Variants in AGO3 observed in about 807,000 individuals in gnomAD.
AGO3 encodes protein argonaute-3.
Under a neutral mutation model 105.5 loss-of-function variants are expected in AGO3, and 16 were observed. That is an observed-to-expected ratio of 0.15 (90% CI 0.10 to 0.23). The LOEUF is 0.23. Among genes scored for constraint, AGO3 ranks in the 10% least tolerant of loss-of-function variants. AGO3 has a pLI of 1.00. For missense variants in AGO3, 534 were observed against 1,088.0 expected, an observed-to-expected ratio of 0.49 and a Z score of 7.16; for synonymous variants, 340 against 367.3, an observed-to-expected ratio of 0.93 and a Z score of 0.85.
At chr1:35,989,116 T>C (rs1177247740) in intron 5 of AGO3, among the ~76,000 whole-genome samples, 1 of 152,112 alleles carries the variant, frequency 6.6e-6, no homozygotes, top group Non-Finnish European at 1.5e-5. Flanking sequence ...AATGGAAGCA[T>C]AAAAGGGAGG....
At position 36,055,577 on chromosome 1, in the gene AGO3, C is replaced by T. The variant is rs78199667; in HGVS notation, c.2475-60C>T. 1.5e-3 allele frequency: 2,135 copies of T among 1,468,936 alleles called. 13 individuals are homozygous for T. The African/African-American group carries it at 0.024, about 17-fold the overall frequency. The allele number at this position is 1,468,936 out of a possible 1,614,324, so 91.0% of individuals were successfully genotyped here. A position where few individuals can be genotyped will look rare whatever the true frequency, so the allele number is the denominator to read the frequency against. On this transcript the variant is annotated intron_variant, in intron 18 of 18. Transcript: ENST00000373191. The surrounding 1 kb of genome is among the most constrained non-coding windows in gnomAD (Gnocchi z 4.4). Reference sequence around the variant, plus strand: ...ATTTTCTACAACAAATAGTATTTTTCGGAATTATTACATCAGAATAGAAAG... The same window carrying T: ...ATTTTCTACAACAAATAGTATTTTTTGGAATTATTACATCAGAATAGAAAG...
chr1:35,931,415 C>G lies in AGO3; in HGVS notation c.-12C>G, dbSNP rs773956972. ...TCCGTTCTCCCTCGAAGCACTCCCC[C>G]CAGCTCCATGAATGGAAATCGGCTC... On this transcript the variant is annotated 5_prime_UTR_variant, in exon 1 of 19. Transcript: ENST00000373191. The G allele has an allele frequency of 2.7e-6, 4 of 1,506,860 alleles. No homozygotes were observed. Among genetic ancestry groups the G allele is most frequent in the Middle Eastern group, 1.7e-4 (1 of 5,762 alleles). 93.3% of individuals were successfully genotyped at this position (1,506,860 alleles called of 1,614,324 possible).
chr1:35,962,216 C>G (rs1646688725), intron 2 of AGO3, among the ~76,000 whole-genome samples: 1 of 152,010 alleles, frequency 6.6e-6, no homozygotes, highest in African/African-American at 2.4e-5. Context: ...AGTAGGGAAA[C>G]TTACCCTGCC....
At chr1:36,014,881 A>G (rs572085264) in intron 11 of AGO3, among the ~76,000 whole-genome samples, 13 of 152,274 alleles carry the variant, frequency 8.5e-5, no homozygotes, top group Admixed American at 2.0e-4. Context: ...TGTGAATGGA[A>G]AAAACACAAG....
In AGO3 at chr1:35,945,839, A is replaced by G. The variant is rs1003807450; in HGVS notation, c.167A>G (p.Asp56Gly). The change falls in exon 2 of 19, where the codon GAC becomes GGC. Residue 56 changes from aspartate (D) to glycine (G), a missense_variant. Physicochemically the swap from Asp to Gly is moderately conservative, Grantham distance 94. This residue lies in a region of AGO3 where 161 missense variants were observed against 234.0 expected (regional missense o/e 0.69). Coordinates refer to ENST00000373191, the MANE Select transcript of AGO3 (RefSeq NM_024852.4). ...CTCTATGAGGTAGATATTAAACCAG[A>G]CAAGTGTCCTAGGAGAGTGAACAGG... Reference protein sequence around the residue: ...VYLYEVDIKPDKCPRRVNREV... With the variant: ...VYLYEVDIKPGKCPRRVNREV... 1 of 1,613,716 alleles carries G rather than the reference A, an allele frequency of 6.2e-7. No homozygotes were observed. Among genetic ancestry groups the G allele is most frequent in the Non-Finnish European group, 8.5e-7 (1 of 1,179,940 alleles).
chr1:36,013,780 A>G (rs747155686), intron 10 of AGO3, 28 bp downstream of exon 10: 14 of 1,610,538 alleles, frequency 8.7e-6, no homozygotes, highest in Non-Finnish European at 1.2e-5. Context: ...TGTTTTAATC[A>G]TACACATATT....
chr1:36,071,264 A>C lies in AGO3; in HGVS notation c.*15519A>C, dbSNP rs1033365304. ...TGGAGGAAGAAATAGCATTCTTTTAAAAGGGGCTTTTCTGAAGAGTAAAAT... is the reference window on the plus strand; with the variant it reads ...TGGAGGAAGAAATAGCATTCTTTTACAAGGGGCTTTTCTGAAGAGTAAAAT... On this transcript the variant is annotated 3_prime_UTR_variant, in exon 19 of 19. Coordinates refer to ENST00000373191, the MANE Select transcript of AGO3 (RefSeq NM_024852.4). 5 of 152,216 alleles carry C rather than the reference A, an allele frequency of 3.3e-5. No homozygotes were observed. The highest frequency in any genetic ancestry group is 1.2e-4 in the African/African-American group (5 of 41,450). 9.4% of individuals were successfully genotyped at this position (152,216 alleles called of 1,614,324 possible). A position where few individuals can be genotyped will look rare whatever the true frequency, so the allele number is the denominator to read the frequency against.
chr1:36,068,561 CAG>C lies in AGO3; in HGVS notation c.*12820_*12821del, dbSNP rs763509018. 17 of 152,268 alleles carry C rather than the reference CAG, an allele frequency of 1.1e-4. No homozygotes were observed. In the East Asian group the frequency reaches 1.5e-3, roughly 14 times the overall value. 9.4% of individuals were successfully genotyped at this position (152,268 alleles called of 1,614,324 possible). A position where few individuals can be genotyped will look rare whatever the true frequency, so the allele number is the denominator to read the frequency against. ...AATATTCTAACCTTCTGCCAACCAA[CAG>C]AGATCCTCATATTCTTAAAGAAAAT... On this transcript the variant is annotated 3_prime_UTR_variant, in exon 19 of 19. Coordinates refer to ENST00000373191, the MANE Select transcript of AGO3 (RefSeq NM_024852.4).
At position 35,931,200 on chromosome 1, in the gene AGO3, G is replaced by A. The variant is rs1646038452; in HGVS notation, c.-227G>A. ...CCGGACGGGACTCCCCTCTGTCCGC[G>A]CCTCACATCTCCCCTTCCTCTCGCC... On this transcript the variant is annotated 5_prime_UTR_variant, in exon 1 of 19. Transcript: ENST00000373191. The A allele has an allele frequency of 2.5e-6, 1 of 402,878 alleles. No homozygotes were observed. Among genetic ancestry groups the A allele is most frequent in the Non-Finnish European group, 4.4e-6 (1 of 227,566 alleles). 25.0% of individuals were successfully genotyped at this position (402,878 alleles called of 1,614,324 possible).
intron 1 of AGO3, among the ~76,000 whole-genome samples, chr1:35,945,183 G>T (rs1166491572): frequency 1.3e-5 from 2 of 150,818 alleles, no homozygotes; most frequent in African/African-American, 4.9e-5. Context: ...ATTACATATT[G>T]CTTCTTATTT....
intron 1 of AGO3, among the ~76,000 whole-genome samples, chr1:35,938,790 A>G (rs546110616): frequency 5.3e-5 from 8 of 152,228 alleles, no homozygotes; most frequent in East Asian, 3.8e-4. Flanking sequence ...GTGAAAATCT[A>G]TAAGTTAGTA....
At chr1:36,034,053 T>A (rs1319643132) in intron 12 of AGO3, 121 bp from the exon 13 acceptor site, 1 of 955,842 alleles carries the variant, frequency 1.0e-6, no homozygotes, top group Non-Finnish European at 1.4e-6. Flanking sequence ...TTGGCATAAT[T>A]TTTGGTATCC....
intron 11 of AGO3, among the ~76,000 whole-genome samples, chr1:36,023,433 A>C (rs1641341094): frequency 6.6e-6 from 1 of 152,244 alleles, no homozygotes; most frequent in African/African-American, 2.4e-5. Flanking sequence ...GTGATTCACA[A>C]ATCAGGCAGC....
At chr1:36,036,068 G>A in intron 13 of AGO3, 109 bp from the exon 14 acceptor site, 1 of 966,148 alleles carries the variant, frequency 1.0e-6, no homozygotes, top group Non-Finnish European at 1.6e-6. Context: ...GATTACATAG[G>A]ACTTCCTCTG....
At chr1:35,987,790 C>T (rs1022004179) in intron 5 of AGO3, among the ~76,000 whole-genome samples, 3 of 151,372 alleles carry the variant, frequency 2.0e-5, no homozygotes, top group African/African-American at 7.3e-5. Context: ...GACCTATGGG[C>T]CAGGCGTGGT....
Position 36,068,732 on chromosome 1 carries a change from A to G in AGO3, c.*12987A>G, listed in dbSNP as rs1437089173. The G allele has an allele frequency of 6.6e-6, 1 of 152,222 alleles. No homozygotes were observed. The highest frequency in any genetic ancestry group is 1.5e-5 in the Non-Finnish European group (1 of 68,038). 9.4% of individuals were successfully genotyped at this position (152,222 alleles called of 1,614,324 possible). The stretch of plus-strand genomic sequence containing the variant: ...TTAACCTGTTCATTTCTCTTAATTT[A>G]TGTATTTATTCTGACTTTATTATAC... On this transcript the variant is annotated 3_prime_UTR_variant, in exon 19 of 19. Coordinates refer to ENST00000373191, the MANE Select transcript of AGO3 (RefSeq NM_024852.4).
At position 36,020,714 on chromosome 1, in the gene AGO3, G is replaced by A. The variant is rs1221664035; in HGVS notation, c.1407-6400G>A. ...CACTGCAACCTCCTCCTTCCTGGTT[G>A]AAACTATTCTCCTGCCTCAGATTCC... On this transcript the variant is annotated intron_variant, in intron 11 of 18. Transcript: ENST00000373191. Among the ~76,000 whole-genome samples, 4 of 152,104 alleles carry A rather than the reference G, an allele frequency of 2.6e-5. No homozygotes were observed. In the East Asian group the frequency reaches 5.8e-4, roughly 22 times the overall value.
chr1:36,023,570 G>A (rs1641347299), intron 11 of AGO3, among the ~76,000 whole-genome samples: 1 of 152,158 alleles, frequency 6.6e-6, no homozygotes, highest in African/African-American at 2.4e-5. Context: ...ATTGCTTACA[G>A]CTTGATACTT....
intron 11 of AGO3, among the ~76,000 whole-genome samples, chr1:36,021,458 C>T (rs1641218353): frequency 6.6e-6 from 1 of 151,916 alleles, no homozygotes; most frequent in South Asian, 2.1e-4. Context: ...TAATCTTATA[C>T]AATTTTGGAA....
Sources: gnomAD v4.1 joint callset for allele counts (sites outside exome capture counted in the v4.1 genomes callset) on GRCh38, gnomAD v4.1.1 for gene constraint, gnomAD v4.1.1 regional missense constraint, Gnocchi (gnomAD v3.1) non-coding constraint, MANE v1.5 for transcripts, NCBI Gene and HGNC (gene_info 2026-07-23, HGNC 2026-07-21) for gene names.